Variants in PHC2 observed in about 807,000 individuals in gnomAD.
The protein encoded by PHC2 is polyhomeotic-like protein 2.
Under a neutral mutation model 87.4 loss-of-function variants are expected in PHC2, and 29 were observed. The observed-to-expected ratio is 0.33, with a 90% CI of 0.25 to 0.45. The LOEUF (loss-of-function observed/expected upper bound fraction) is 0.45. Ranked by LOEUF, PHC2 falls within the 20% of genes least tolerant of loss-of-function variation. The pLI is 1.00. For missense variants in PHC2, 857 were observed against 1,136.7 expected, an observed-to-expected ratio of 0.75 and a Z score of 3.54; for synonymous variants, 438 against 461.7, an observed-to-expected ratio of 0.95 and a Z score of 0.66.
intron 1 of PHC2, among the ~76,000 whole-genome samples, chr1:33,394,085 T>G (rs144876342): frequency 6.6e-6 from 1 of 152,156 alleles, no homozygotes; most frequent in African/African-American, 2.4e-5. Flanking sequence ...ATAATAAATT[T>G]CAGAAAATTT....
intron 1 of PHC2, among the ~76,000 whole-genome samples, chr1:33,427,121 C>A (rs976118446): frequency 6.6e-6 from 1 of 152,158 alleles, no homozygotes; most frequent in African/African-American, 2.4e-5. Flanking sequence ...AGCTATGTGA[C>A]CTCTGGCAAT....
intron 1 of PHC2, among the ~76,000 whole-genome samples, chr1:33,399,843 C>CA (rs36033759): frequency 1.4e-4 from 21 of 149,312 alleles, no homozygotes; most frequent in South Asian, 6.4e-4. Flanking sequence ...AAAATGTTTA[C>CA]AAAAAAAAAT....
intron 1 of PHC2, among the ~76,000 whole-genome samples, chr1:33,378,850 G>C (rs903580869): frequency 6.6e-6 from 1 of 151,846 alleles, no homozygotes; most frequent in Non-Finnish European, 1.5e-5. Context: ...CAGACATTCA[G>C]TCCTCTGCTT....
At chr1:33,398,694 T>C (rs898704928) in intron 1 of PHC2, among the ~76,000 whole-genome samples, 9 of 152,228 alleles carry the variant, frequency 5.9e-5, no homozygotes, top group Non-Finnish European at 1.3e-4. Flanking sequence ...TGCATTGAAG[T>C]ACCTGCTGAA....
chr1:33,354,132 C>G (rs1003259073), intron 9 of PHC2, among the ~76,000 whole-genome samples: 1 of 152,214 alleles, frequency 6.6e-6, no homozygotes, highest in African/African-American at 2.4e-5. Context: ...GTGGATGCAT[C>G]TGACACCAGT....
At chr1:33,401,654 T>C (rs1192219062) in intron 1 of PHC2, among the ~76,000 whole-genome samples, 3 of 152,186 alleles carry the variant, frequency 2.0e-5, no homozygotes, top group African/African-American at 7.2e-5. Context: ...GAAGAGCTAG[T>C]TGCTAAACAT....
chr1:33,407,990 G>T (rs866211881), intron 1 of PHC2, among the ~76,000 whole-genome samples: 2 of 152,210 alleles, frequency 1.3e-5, no homozygotes, highest in African/African-American at 4.8e-5. Context: ...TGAGGGGGGA[G>T]AAAGAGGCTT....
rs368679830 is a variant in PHC2 at position 33,355,252 on chromosome 1, G to A, written c.978C>T (p.Ala326=). ...AVAAHPLIAP[A]YAQLQPHQLL... The stretch of plus-strand genomic sequence containing the variant: ...GCTGGTGTGGCTGCAGCTGAGCATA[G>A]GCTGAAAGGGGAAAGGCCAGGTTAG... Residue 326 remains alanine, a splice_region_variant and synonymous_variant, in exon 8 of 15, where the codon GCC becomes GCT. Transcript: ENST00000683057. 71 of 1,561,378 alleles carry A rather than the reference G, an allele frequency of 4.5e-5. No homozygotes were observed. Among genetic ancestry groups the A allele is most frequent in the Non-Finnish European group, 3.3e-5 (38 of 1,151,132 alleles).
chr1:33,404,872 C>A lies in PHC2; in HGVS notation c.-55+26104G>T, dbSNP rs1200583967. 2.0e-5 allele frequency among the ~76,000 whole-genome samples: 3 copies of A among 152,178 alleles called. No homozygotes were observed. In the East Asian group the frequency reaches 5.8e-4, roughly 29 times the overall value. On this transcript the variant is annotated intron_variant, in intron 1 of 14. Transcript: ENST00000683057. ...CTTTCTGAGGAGGTTATATTTAAATCTGAGACAAGGAGACAGTCATTGCAT... is the reference window on the plus strand; with the variant it reads ...CTTTCTGAGGAGGTTATATTTAAATATGAGACAAGGAGACAGTCATTGCAT...
chr1:33,387,071 G>A (rs909735112), intron 1 of PHC2, among the ~76,000 whole-genome samples: 6 of 152,206 alleles, frequency 3.9e-5, no homozygotes, highest in African/African-American at 1.4e-4. Flanking sequence ...TCAGAATAAA[G>A]TTCAAGGGCC....
chr1:33,356,281 A>ATATG (rs1553185701), intron 7 of PHC2, among the ~76,000 whole-genome samples: 4 of 136,428 alleles, frequency 2.9e-5, no homozygotes, highest in Non-Finnish European at 1.5e-5. Flanking sequence ...ATATATGTAT[A>ATATG]TATATATATA....
At position 33,364,030 on chromosome 1, in the gene PHC2, C is replaced by T. The variant is rs1647287801; in HGVS notation, c.976+3086G>A. ...CCTGCTCCCCCACCCCTATTCTCGG[C>T]ATAAGGGACCTTTTCTATTTGCAGA... On this transcript the variant is annotated intron_variant, in intron 7 of 14. Transcript: ENST00000683057. The surrounding 1 kb of genome is among the most constrained non-coding windows in gnomAD (Gnocchi z 4.1). 2.8e-6 allele frequency: 1 copy of T among 361,272 alleles called. No homozygotes were observed. The highest frequency in any genetic ancestry group is 3.9e-6 in the Non-Finnish European group (1 of 259,340). The allele number at this position is 361,272 out of a possible 1,614,324, so 22.4% of individuals were successfully genotyped here.
intron 1 of PHC2, among the ~76,000 whole-genome samples, chr1:33,404,368 C>A (rs79622597): frequency 0.016 from 2,478 of 152,094 alleles, 33 homozygotes; most frequent in Middle Eastern, 0.031. Context: ...TCAAAAAAAA[C>A]CCCCACATCA....
intron 6 of PHC2, 45 bp from the exon 7 acceptor site, chr1:33,367,473 C>G: frequency 7.1e-7 from 1 of 1,414,706 alleles, no homozygotes. Context: ...GTGGCAGGAG[C>G]AATGCCAGTA....
intron 9 of PHC2, chr1:33,335,314 CCAT>C (rs1348044995): frequency 4.1e-6 from 4 of 985,306 alleles, no homozygotes; most frequent in Non-Finnish European, 4.8e-6. Context: ...TTCTCTACCA[CCAT>C]CAACTGCCCC....
intron 1 of PHC2, among the ~76,000 whole-genome samples, 186 bp from the exon 2 acceptor site, chr1:33,375,779 C>T (rs530316049): frequency 6.6e-6 from 1 of 152,314 alleles, no homozygotes; most frequent in South Asian, 2.1e-4. Context: ...ATTCCCTAAC[C>T]AATACAGTGT....
At chr1:33,372,734 C>T (rs1004321641) in intron 2 of PHC2, among the ~76,000 whole-genome samples, 8 of 152,224 alleles carry the variant, frequency 5.3e-5, no homozygotes, top group Non-Finnish European at 4.4e-5. Context: ...ATCAGAGCCG[C>T]ACGCCAGTGC....
chr1:33,383,992 C>A (rs1047768749), intron 1 of PHC2, among the ~76,000 whole-genome samples: 1 of 152,142 alleles, frequency 6.6e-6, no homozygotes, highest in Admixed American at 6.5e-5. Flanking sequence ...TTTAAGCCAC[C>A]CAGTTTGTGG....
chr1:33,345,693 T>C (rs758083400), intron 9 of PHC2: 27 of 984,770 alleles, frequency 2.7e-5, no homozygotes, highest in Admixed American at 6.1e-5. Flanking sequence ...ATGTCATTTA[T>C]ACTGGACTTT....
Sources: gnomAD v4.1 joint callset for allele counts (sites outside exome capture counted in the v4.1 genomes callset) on GRCh38, gnomAD v4.1.1 for gene constraint, Gnocchi (gnomAD v3.1) non-coding constraint, MANE v1.5 for transcripts, NCBI Gene and HGNC (gene_info 2026-07-23, HGNC 2026-07-21) for gene names.